PLEKHM3: variants seen among roughly 807,000 people sequenced by gnomAD.
PLEKHM3 encodes the protein pleckstrin homology domain containing M3, also known as pleckstrin homology domain-containing family M member 3.
In PLEKHM3, 45 loss-of-function variants were observed where a neutral mutation model predicts 81.8. That is an observed-to-expected ratio of 0.55 (90% CI 0.43 to 0.71). The LOEUF is 0.71. Among genes scored for constraint, PLEKHM3 ranks in the 30% least tolerant of loss-of-function variants. PLEKHM3 has a pLI of 0.00. For synonymous variants in PLEKHM3, 352 were observed against 356.4 expected (o/e 0.99, Z 0.14); for missense variants, 788 against 924.3 (o/e 0.85, Z 1.91).
chr2:207,996,203 G>A (rs533547621), intron 2 of PLEKHM3, among the ~76,000 whole-genome samples: 57 of 152,180 alleles, frequency 3.7e-4, no homozygotes, highest in Admixed American at 7.2e-4. Flanking sequence ...CAGTCAGGGA[G>A]AGAAAATCAA....
intron 5 of PLEKHM3, chr2:207,929,976 G>T (rs1448080857): frequency 1.4e-6 from 1 of 690,046 alleles, no homozygotes; most frequent in Non-Finnish European, 2.6e-6. Context: ...TATTTTTAGA[G>T]ACTTATGAAC....
intron 3 of PLEKHM3, among the ~76,000 whole-genome samples, chr2:207,948,632 G>A (rs576786906): frequency 1.1e-3 from 164 of 147,808 alleles, no homozygotes; most frequent in Non-Finnish European, 2.1e-3. Context: ...CAACCTCCGC[G>A]TCCCGCGCTC....
chr2:207,862,482 C>CA (rs1362073829), intron 6 of PLEKHM3, among the ~76,000 whole-genome samples: 2 of 151,788 alleles, frequency 1.3e-5, no homozygotes, highest in East Asian at 1.9e-4. Flanking sequence ...ACTAAAAATA[C>CA]AAAAAATTAG....
chr2:207,848,424 C>A (rs1183341165), intron 7 of PLEKHM3, among the ~76,000 whole-genome samples: 1 of 152,204 alleles, frequency 6.6e-6, no homozygotes, highest in Non-Finnish European at 1.5e-5. Context: ...CATTCAGCCT[C>A]CATGGAGCCT....
At chr2:207,962,277 A>G (rs1038383314) in intron 3 of PLEKHM3, among the ~76,000 whole-genome samples, 43 of 152,184 alleles carry the variant, frequency 2.8e-4, no homozygotes, top group African/African-American at 9.4e-4. Context: ...CATCATACCT[A>G]CATAATGAAG....
intron 7 of PLEKHM3, among the ~76,000 whole-genome samples, chr2:207,856,454 T>C (rs574387265): frequency 2.6e-4 from 40 of 152,334 alleles, no homozygotes; most frequent in Non-Finnish European, 4.6e-4. Context: ...ACAAATCTCC[T>C]GTGCTTCACC....
intron 6 of PLEKHM3, among the ~76,000 whole-genome samples, chr2:207,877,244 G>A (rs1315580294): frequency 1.3e-5 from 2 of 152,152 alleles, no homozygotes; most frequent in Admixed American, 6.5e-5. Flanking sequence ...AAAGGAAACA[G>A]CCAATTTTCC....
At chr2:207,923,510 G>A (rs1689256079) in intron 5 of PLEKHM3, among the ~76,000 whole-genome samples, 1 of 152,100 alleles carries the variant, frequency 6.6e-6, no homozygotes. Context: ...GGGAGGCTGA[G>A]GCAGGAGGAT....
chr2:207,908,699 TCTC>T, intron 5 of PLEKHM3, 122 bp from the exon 6 acceptor site: 10 of 782,842 alleles, frequency 1.3e-5, no homozygotes, highest in South Asian at 1.9e-5. Context: ...CACCTATACT[TCTC>T]CTAAGCCCTC....
intron 7 of PLEKHM3, among the ~76,000 whole-genome samples, chr2:207,847,874 A>G (rs1444123141): frequency 2.6e-5 from 4 of 152,180 alleles, no homozygotes; most frequent in Admixed American, 2.0e-4. Flanking sequence ...CATTGGGGGA[A>G]GCTACTCCCT....
At chr2:207,859,136 CTTTTT>C (rs371493664) in intron 7 of PLEKHM3, among the ~76,000 whole-genome samples, 1 of 118,356 alleles carries the variant, frequency 8.4e-6, no homozygotes. Context: ...TTTTCTTTTT[CTTTTT>C]TTTTTTTTTT....
At chr2:207,922,579 G>A (rs972252946) in intron 5 of PLEKHM3, among the ~76,000 whole-genome samples, 7 of 152,134 alleles carry the variant, frequency 4.6e-5, no homozygotes, top group African/African-American at 1.7e-4. Flanking sequence ...TTGGGAGGCC[G>A]AGGCGGGCGG....
intron 1 of PLEKHM3, among the ~76,000 whole-genome samples, chr2:208,024,661 T>G (rs1046585916): frequency 1.3e-5 from 2 of 152,226 alleles, no homozygotes; most frequent in African/African-American, 4.8e-5. Flanking sequence ...CTACGATTAC[T>G]TAAAATATAG....
chr2:207,964,017 G>C (rs2106003630), intron 3 of PLEKHM3, among the ~76,000 whole-genome samples: 1 of 152,206 alleles, frequency 6.6e-6, no homozygotes, highest in South Asian at 2.1e-4. Context: ...TTTGAGACCA[G>C]CCTGGCCAAT....
chr2:207,901,109 C>T, intron 6 of PLEKHM3: 2 of 612,432 alleles, frequency 3.3e-6, no homozygotes, highest in Non-Finnish European at 5.8e-6. Flanking sequence ...ATCCTTATCT[C>T]AACTGAGCTC....
At chr2:207,865,799 AAAAGATATATATATAT>A (rs1164564605) in intron 6 of PLEKHM3, among the ~76,000 whole-genome samples, 11 of 35,138 alleles carry the variant, frequency 3.1e-4, no homozygotes, top group African/African-American at 2.0e-3. Context: ...AAAAAAAAAA[AAAAGATATATATATAT>A]ATATATATAT....
At chr2:207,986,295 A>G (rs1364773432) in intron 2 of PLEKHM3, among the ~76,000 whole-genome samples, 4 of 152,208 alleles carry the variant, frequency 2.6e-5, no homozygotes, top group African/African-American at 7.2e-5. Flanking sequence ...TGGATGGAGT[A>G]CTCGTAAGAC....
In PLEKHM3 at chr2:207,864,353, T is replaced by A. The variant is rs1024001304; in HGVS notation, c.1951-3091A>T. 2.6e-5 allele frequency among the ~76,000 whole-genome samples: 4 copies of A among 152,312 alleles called. No homozygotes were observed. In the South Asian group the frequency reaches 8.3e-4, roughly 32 times the overall value. On this transcript the variant is annotated intron_variant, in intron 6 of 7. Transcript: ENST00000427836. Reference sequence around the variant, plus strand: ...TTTCTAAGAAACAGCCACTACCAAATCATATATGCAACCACCAGTAAACAC... The same window carrying A: ...TTTCTAAGAAACAGCCACTACCAAAACATATATGCAACCACCAGTAAACAC...
chr2:207,826,366 C>T lies in PLEKHM3; in HGVS notation c.*1953G>A, dbSNP rs1309056358. The T allele has an allele frequency of 6.6e-6, 1 of 152,154 alleles. No homozygotes were observed. Among genetic ancestry groups the T allele is most frequent in the African/African-American group, 2.4e-5 (1 of 41,432 alleles). 9.4% of individuals were successfully genotyped at this position (152,154 alleles called of 1,614,324 possible). Reference sequence around the variant, plus strand: ...TTGCCAAGTGTTTGAGATTTTCCACCCTTTTTCTTTTGTGTGCAACATTCT... The same window carrying T: ...TTGCCAAGTGTTTGAGATTTTCCACTCTTTTTCTTTTGTGTGCAACATTCT... On this transcript the variant is annotated 3_prime_UTR_variant, in exon 8 of 8. Coordinates refer to ENST00000427836, the MANE Select transcript of PLEKHM3 (RefSeq NM_001080475.3).
Sources: gnomAD v4.1 joint callset for allele counts (sites outside exome capture counted in the v4.1 genomes callset) on GRCh38, gnomAD v4.1.1 for gene constraint, MANE v1.5 for transcripts, NCBI Gene and HGNC (gene_info 2026-07-23, HGNC 2026-07-21) for gene names.